The following AGAP1 variants were observed in gnomAD, a reference collection of about 807,000 sequenced individuals.
The protein encoded by AGAP1 is arf-GAP with GTPase, ANK repeat and PH domain-containing protein 1.
In AGAP1, 29 loss-of-function variants were observed where a neutral mutation model predicts 105.3. That is an observed-to-expected ratio of 0.28 (90% CI 0.21 to 0.38). The LOEUF is 0.38. Ranked by LOEUF, AGAP1 falls within the 10% of genes least tolerant of loss-of-function variation. AGAP1 has a pLI of 1.00. For missense variants in AGAP1, 998 were observed against 1,165.1 expected (o/e 0.86, Z 2.09); for synonymous variants, 509 against 485.9 (o/e 1.05, Z -0.63).
In AGAP1 at chr2:235,770,082, T is replaced by A. The variant is rs543648120; in HGVS notation, c.673+19594T>A. 2.6e-5 allele frequency among the ~76,000 whole-genome samples: 4 copies of A among 151,520 alleles called. No homozygotes were observed. The South Asian group carries it at 8.3e-4, about 32-fold the overall frequency. On this transcript the variant is annotated intron_variant, in intron 6 of 17. Transcript: ENST00000304032. ...AGTAAAAATCACCTATAATCCCACC[T>A]CCTAGTAATAACACATATATATACA...
At position 235,982,445 on chromosome 2, in the gene AGAP1, G is replaced by A. The variant is rs2055137899; in HGVS notation, c.1645+13822G>A. On this transcript the variant is annotated intron_variant, in intron 13 of 17. Coordinates refer to ENST00000304032, the MANE Select transcript of AGAP1 (RefSeq NM_001037131.3). This position sits in a 1 kb window ranked among gnomAD's most constrained non-coding sequence, Gnocchi z 4.9. ...GTCATAGCTAGGAGGTCAGAAGGAAGGGGGGACGATTCATGCAATGAGGCA... is the reference window on the plus strand; with the variant it reads ...GTCATAGCTAGGAGGTCAGAAGGAAAGGGGGACGATTCATGCAATGAGGCA... Among the ~76,000 whole-genome samples the A allele has an allele frequency of 6.6e-6, 1 of 152,186 alleles. No homozygotes were observed. The highest frequency in any genetic ancestry group is 6.5e-5 in the Admixed American group (1 of 15,288).
chr2:235,563,400 A>G (rs1044027703), intron 1 of AGAP1, among the ~76,000 whole-genome samples: 3 of 152,158 alleles, frequency 2.0e-5, no homozygotes, highest in African/African-American at 7.2e-5. Flanking sequence ...CCCCCTGAGA[A>G]GCTACCTGAG....
intron 17 of AGAP1, among the ~76,000 whole-genome samples, chr2:236,122,680 A>ATTT (rs71039713): frequency 0.033 from 4,079 of 123,548 alleles, 347 homozygotes; most frequent in African/African-American, 0.12. Flanking sequence ...TCCAGTGACA[A>ATTT]TTTTTTTTTT....
chr2:235,943,706 G>A (rs1273814173), intron 12 of AGAP1, among the ~76,000 whole-genome samples: 1 of 152,086 alleles, frequency 6.6e-6, no homozygotes, highest in African/African-American at 2.4e-5. Context: ...AATGAGTGTT[G>A]GAGAAGAGTG....
intron 10 of AGAP1, among the ~76,000 whole-genome samples, chr2:235,890,464 A>G (rs1020410094): frequency 1.2e-4 from 18 of 152,164 alleles, no homozygotes; most frequent in African/African-American, 4.1e-4. Flanking sequence ...GGTTATTCCT[A>G]AAGGCCAGTG....
rs1218586811 is a variant in AGAP1, at chr2:235,877,901, C to A, written c.1051-5444C>A. ...TTTGCCAACTTAAAATTTGTCCTCG[C>A]CAGGGGAATCTTTCCTAATGCAAAT... On this transcript the variant is annotated intron_variant, in intron 9 of 17. Coordinates refer to ENST00000304032, the MANE Select transcript of AGAP1 (RefSeq NM_001037131.3). This position sits in a 1 kb window ranked among gnomAD's most constrained non-coding sequence, Gnocchi z 4.3. Among the ~76,000 whole-genome samples, 3 of 152,166 alleles carry A rather than the reference C, an allele frequency of 2.0e-5. No homozygotes were observed. Among genetic ancestry groups the A allele is most frequent in the African/African-American group, 7.2e-5 (3 of 41,454 alleles).
chr2:235,763,874 G>T (rs1228551027), intron 6 of AGAP1, among the ~76,000 whole-genome samples: 6 of 152,230 alleles, frequency 3.9e-5, no homozygotes, highest in Non-Finnish European at 7.3e-5. Context: ...GACCCAGGCA[G>T]TCCTTGCTGC....
rs1399740402 is a variant in AGAP1, at chr2:236,083,136, C to T, written c.2114+33855C>T. 6.6e-6 allele frequency among the ~76,000 whole-genome samples: 1 copy of T among 151,372 alleles called. No individual in the cohort carries two copies. Among genetic ancestry groups the T allele is most frequent in the Admixed American group, 6.6e-5 (1 of 15,124 alleles). ...CGCCATTGCACTCCAGCCTAGGCAA[C>T]GAGCGAAATTCCATCTCAAAAAAAA... On this transcript the variant is annotated intron_variant, in intron 16 of 17. Transcript: ENST00000304032. This position sits in a 1 kb window ranked among gnomAD's most constrained non-coding sequence, Gnocchi z 5.3.
chr2:235,960,244 G>A lies in AGAP1; in HGVS notation c.1484-8218G>A, dbSNP rs980010189. ...TCAGTTACTCGAGTCATAGCCTCCTGAGGACGACTGCAAGGAGCTCATGAA... is the reference window on the plus strand; with the variant it reads ...TCAGTTACTCGAGTCATAGCCTCCTAAGGACGACTGCAAGGAGCTCATGAA... On this transcript the variant is annotated intron_variant, in intron 12 of 17. Coordinates refer to ENST00000304032, the MANE Select transcript of AGAP1 (RefSeq NM_001037131.3). This position sits in a 1 kb window ranked among gnomAD's most constrained non-coding sequence, Gnocchi z 4.9. 6.6e-6 allele frequency among the ~76,000 whole-genome samples: 1 copy of A among 152,218 alleles called. No individual in the cohort carries two copies. Among genetic ancestry groups the A allele is most frequent in the African/African-American group, 2.4e-5 (1 of 41,444 alleles).
chr2:235,495,048 A>AG (rs887004460), intron 1 of AGAP1, among the ~76,000 whole-genome samples, 199 bp downstream of exon 1: 4 of 152,136 alleles, frequency 2.6e-5, no homozygotes, highest in Non-Finnish European at 5.9e-5. Flanking sequence ...GAGCTCCGCC[A>AG]GGAAGATAGA....
intron 14 of AGAP1, among the ~76,000 whole-genome samples, chr2:236,039,192 C>G (rs1028872212): frequency 6.6e-6 from 1 of 152,158 alleles, no homozygotes; most frequent in Admixed American, 6.5e-5. Context: ...CGCCTGTACT[C>G]CTAGTGCTTT....
At chr2:235,941,614 T>G (rs2053261111) in intron 12 of AGAP1, among the ~76,000 whole-genome samples, 1 of 152,236 alleles carries the variant, frequency 6.6e-6, no homozygotes, top group Non-Finnish European at 1.5e-5. Context: ...TGTTTTCAAC[T>G]GAGACCATCA....
chr2:235,783,440 A>G (rs1201965832), intron 6 of AGAP1: 9 of 468,722 alleles, frequency 1.9e-5, no homozygotes, highest in Admixed American at 2.4e-5. Context: ...GGACATCACC[A>G]TGTTCTCATA....
chr2:235,911,430 A>G (rs2051609899), intron 11 of AGAP1, among the ~76,000 whole-genome samples: 1 of 152,322 alleles, frequency 6.6e-6, no homozygotes, highest in South Asian at 2.1e-4. Context: ...AAGGATAGGA[A>G]TTTGCCAGGC....
chr2:236,075,583 C>G (rs1409685642), intron 16 of AGAP1, among the ~76,000 whole-genome samples: 1 of 152,122 alleles, frequency 6.6e-6, no homozygotes, highest in East Asian at 1.9e-4. Flanking sequence ...CTGCCAGGGT[C>G]TTTCAGCACT....
At chr2:235,999,104 T>A (rs1359702739) in intron 13 of AGAP1, among the ~76,000 whole-genome samples, 2 of 148,028 alleles carry the variant, frequency 1.4e-5, no homozygotes, top group African/African-American at 5.0e-5. Context: ...TGGTGAGAGG[T>A]GGTGGTGGTG....
rs1254458253 is a variant in AGAP1, at chr2:235,705,059, A to G, written c.164-4120A>G. On this transcript the variant is annotated intron_variant, in intron 1 of 17. Transcript: ENST00000304032. The surrounding 1 kb of genome is among the most constrained non-coding windows in gnomAD (Gnocchi z 4.9). ...AATGGTGGGATCTCGGCTCGCTGCA[A>G]CCTCTACCTCCCGGGTTCAAGCACT... is the stretch of plus-strand genomic sequence containing the variant. Among the ~76,000 whole-genome samples the G allele has an allele frequency of 5.4e-5, 7 of 129,386 alleles. No individual in the cohort carries two copies. Among genetic ancestry groups the G allele is most frequent in the South Asian group, 2.7e-4 (1 of 3,674 alleles). 84.9% of individuals were successfully genotyped at this position (129,386 alleles called of 152,430 possible). A position where few individuals can be genotyped will look rare whatever the true frequency, so the allele number is the denominator to read the frequency against.
At chr2:235,653,086 G>A (rs1947650033) in intron 1 of AGAP1, among the ~76,000 whole-genome samples, 1 of 152,188 alleles carries the variant, frequency 6.6e-6, no homozygotes, top group Admixed American at 6.5e-5. Flanking sequence ...CCTTGGGCAA[G>A]ACACTTGACC....
rs1286705826 is a variant in AGAP1 at position 235,889,544 on chromosome 2, G to C, written c.1155+6095G>C. On this transcript the variant is annotated intron_variant, in intron 10 of 17. Coordinates refer to ENST00000304032, the MANE Select transcript of AGAP1 (RefSeq NM_001037131.3). This position sits in a 1 kb window ranked among gnomAD's most constrained non-coding sequence, Gnocchi z 4.6. ...CTCGTCATCCCCCAAAAGTGTCTTT[G>C]CCTTTTTTTTTTTTTTTTAGCCCTG... Among the ~76,000 whole-genome samples the C allele has an allele frequency of 2.4e-5, 3 of 126,788 alleles. No individual in the cohort carries two copies. Among genetic ancestry groups the C allele is most frequent in the Non-Finnish European group, 4.9e-5 (3 of 60,990 alleles). The allele number at this position is 126,788 out of a possible 152,430, so 83.2% of individuals were successfully genotyped here. A position where few individuals can be genotyped will look rare whatever the true frequency, so the allele number is the denominator to read the frequency against.
Sources: gnomAD v4.1 joint callset for allele counts (sites outside exome capture counted in the v4.1 genomes callset) on GRCh38, gnomAD v4.1.1 for gene constraint, Gnocchi (gnomAD v3.1) non-coding constraint, MANE v1.5 for transcripts, NCBI Gene and HGNC (gene_info 2026-07-23, HGNC 2026-07-21) for gene names.